The following RGS20 variants were observed in gnomAD, a reference collection of about 807,000 sequenced individuals.
The protein encoded by RGS20 is gz-selective GTPase-activating protein.
Under a neutral mutation model 33.6 loss-of-function variants are expected in RGS20, and 30 were observed. The observed-to-expected ratio is 0.89, with a 90% CI of 0.67 to 1.21. The LOEUF is 1.21. RGS20 is among the 50% of genes most tolerant of loss of function. The pLI is 0.00. For missense variants in RGS20, 472 were observed against 502.4 expected (o/e 0.94, Z 0.58); for synonymous variants, 208 against 197.9 (o/e 1.05, Z -0.43).
intron 1 of RGS20, among the ~76,000 whole-genome samples, chr8:53,860,908 A>T (rs930582409): frequency 2.0e-5 from 3 of 152,144 alleles, no homozygotes; most frequent in Admixed American, 2.0e-4. Flanking sequence ...CAGAGGCTAC[A>T]GTGAGCCAAG....
chr8:53,939,496 C>A, intron 2 of RGS20, 80 bp from the exon 2 acceptor site: 2 of 1,364,602 alleles, frequency 1.5e-6, no homozygotes, highest in Non-Finnish European at 1.9e-6. Flanking sequence ...TTCAATGATC[C>A]AAACAGCTGA....
chr8:53,905,331 C>A (rs1813134493), intron 2 of RGS20, among the ~76,000 whole-genome samples: 1 of 152,174 alleles, frequency 6.6e-6, no homozygotes, highest in East Asian at 1.9e-4. Context: ...CCACAAAAAT[C>A]CACCAGCTAC....
intron 2 of RGS20, among the ~76,000 whole-genome samples, chr8:53,893,428 G>A (rs1261270419): frequency 6.6e-6 from 1 of 152,152 alleles, no homozygotes; most frequent in Non-Finnish European, 1.5e-5. Flanking sequence ...CCTGGGCCAG[G>A]AGGACAGCAC....
At chr8:53,858,674 C>T (rs16919597) in intron 1 of RGS20, among the ~76,000 whole-genome samples, 4 of 151,714 alleles carry the variant, frequency 2.6e-5, no homozygotes, top group South Asian at 2.1e-4. Context: ...GTGAAAAGGG[C>T]GATGGCACAT....
intron 2 of RGS20, among the ~76,000 whole-genome samples, chr8:53,902,981 C>T (rs1313250643): frequency 2.0e-5 from 3 of 152,214 alleles, no homozygotes; most frequent in African/African-American, 7.2e-5. Flanking sequence ...CCACCTCGAC[C>T]TCCCAAAGTG....
chr8:53,958,067 C>T (rs1251952110), intron 5 of RGS20, among the ~76,000 whole-genome samples: 3 of 151,960 alleles, frequency 2.0e-5, no homozygotes, highest in African/African-American at 4.8e-5. Flanking sequence ...ACCCAGGAGG[C>T]GGAGGTTGCA....
intron 1 of RGS20, among the ~76,000 whole-genome samples, chr8:53,855,243 T>C (rs1171850361): frequency 6.6e-6 from 1 of 152,096 alleles, no homozygotes. Flanking sequence ...TTTTGTATTT[T>C]TAGTAGAGAC....
intron 2 of RGS20, among the ~76,000 whole-genome samples, chr8:53,887,707 T>C (rs1812589136): frequency 6.6e-6 from 1 of 152,224 alleles, no homozygotes; most frequent in South Asian, 2.1e-4. Context: ...CCAGGCGTGG[T>C]GGCTCACGCC....
Position 53,958,455 on chromosome 8 carries a change from A to G in RGS20, c.1164A>G (p.Ala388=), listed in dbSNP as rs752205211. Reference sequence around the variant, plus strand: ...CCTTATCGGAGAAATCTATTGAAGCATAGGATTTTTCAAATATATTTATTA... The same window carrying G: ...CCTTATCGGAGAAATCTATTGAAGCGTAGGATTTTTCAAATATATTTATTA... The change falls in exon 6 of 6, where the codon GCA becomes GCG. Residue 388 remains alanine, a synonymous_variant. Transcript: ENST00000297313. The G allele has an allele frequency of 2.1e-6, 3 of 1,453,098 alleles. No individual in the cohort carries two copies. In the South Asian group the frequency reaches 5.0e-5, roughly 24 times the overall value. 90.0% of individuals were successfully genotyped at this position (1,453,098 alleles called of 1,614,324 possible).
chr8:53,879,941 C>G (rs1207156361), intron 2 of RGS20: 1 of 291,156 alleles, frequency 3.4e-6, no homozygotes, highest in African/African-American at 2.2e-5. Flanking sequence ...CGAGCCTCCC[C>G]CAAACGCGCC....
intron 4 of RGS20, among the ~76,000 whole-genome samples, chr8:53,953,016 C>T (rs1462446767): frequency 6.6e-6 from 1 of 152,060 alleles, no homozygotes; most frequent in Non-Finnish European, 1.5e-5. Context: ...GAAAATGGCG[C>T]ATTCATAAGT....
In RGS20 at chr8:53,863,943, G is replaced by A. The variant is rs559470568; in HGVS notation, c.165+11879G>A. Among the ~76,000 whole-genome samples the A allele has an allele frequency of 1.3e-3, 196 of 151,816 alleles. 3 individuals carry two copies. Among genetic ancestry groups the A allele is most frequent in the Non-Finnish European group, 4.4e-5 (3 of 67,926 alleles). ...AGGGTTTCACCATGTTAGCCAGGAT[G>A]GTCTCAATCTCCTGACCTCGTGATC... On this transcript the variant is annotated intron_variant, in intron 1 of 5. Transcript: ENST00000297313.
chr8:53,874,401 T>TGCGTGC (rs1554518108), intron 1 of RGS20, among the ~76,000 whole-genome samples: 58 of 124,956 alleles, frequency 4.6e-4, no homozygotes, highest in African/African-American at 2.0e-3. Context: ...TGTGTGTGTG[T>TGCGTGC]GCGCGCGCGT....
chr8:53,957,869 G>A (rs1259174006), intron 5 of RGS20, among the ~76,000 whole-genome samples: 1 of 152,106 alleles, frequency 6.6e-6, no homozygotes, highest in Admixed American at 6.6e-5. Context: ...CAACAAGGCC[G>A]GGCACAGTGG....
At chr8:53,909,253 A>ATG (rs1813280793) in intron 2 of RGS20, among the ~76,000 whole-genome samples, 1 of 85,232 alleles carries the variant, frequency 1.2e-5, no homozygotes, top group Admixed American at 1.3e-4. Flanking sequence ...ATATATATAT[A>ATG]TACTTTTTTT....
chr8:53,898,698 A>G (rs1812933184), intron 2 of RGS20, among the ~76,000 whole-genome samples: 1 of 152,230 alleles, frequency 6.6e-6, no homozygotes, highest in Non-Finnish European at 1.5e-5. Context: ...TGTTTTCTCT[A>G]TTAAATAAAA....
At chr8:53,891,015 C>T (rs1812696281) in intron 2 of RGS20, among the ~76,000 whole-genome samples, 1 of 152,138 alleles carries the variant, frequency 6.6e-6, no homozygotes, top group Non-Finnish European at 1.5e-5. Flanking sequence ...TCTTTGCCTC[C>T]ACCTTCCCCA....
chr8:53,855,909 A>G (rs944668556), intron 1 of RGS20, among the ~76,000 whole-genome samples: 2 of 152,188 alleles, frequency 1.3e-5, no homozygotes, highest in Admixed American at 6.5e-5. Context: ...GACCTGTTTT[A>G]GAGATGAGAA....
chr8:53,869,282 T>C (rs1191401647), intron 1 of RGS20, among the ~76,000 whole-genome samples: 3 of 152,212 alleles, frequency 2.0e-5, no homozygotes, highest in African/African-American at 4.8e-5. Flanking sequence ...AAAGCACAGG[T>C]AGATCTTGGA....
Sources: gnomAD v4.1 joint callset for allele counts (sites outside exome capture counted in the v4.1 genomes callset) on GRCh38, gnomAD v4.1.1 for gene constraint, MANE v1.5 for transcripts, NCBI Gene and HGNC (gene_info 2026-07-23, HGNC 2026-07-21) for gene names.